ITGA3: variants seen among roughly 807,000 people sequenced by gnomAD.
ITGA3 encodes the protein integrin alpha-3.
In ITGA3, 70 loss-of-function variants were observed where a neutral mutation model predicts 131.1. The ratio of observed to expected loss-of-function variants is 0.53; its 90% CI spans 0.44 to 0.65. The LOEUF (loss-of-function observed/expected upper bound fraction) is 0.65. ITGA3 is among the 30% of genes least tolerant of loss of function. The probability of loss-of-function intolerance (pLI) is 0.00; values close to 1 mark genes in which losing one functional copy is unlikely to be tolerated. For missense variants in ITGA3, 1,098 were observed against 1,388.6 expected, an observed-to-expected ratio of 0.79 and a Z score of 3.33; for synonymous variants, 537 against 571.6, an observed-to-expected ratio of 0.94 and a Z score of 0.86.
At chr17:50,080,463 GGTGTGTGTGTGTGTGT>G (rs113441627) in intron 22 of ITGA3, 88 bp downstream of exon 22, 98 of 506,296 alleles carry the variant, frequency 1.9e-4, no homozygotes, top group African/African-American at 1.7e-3. Flanking sequence ...TCATAGCATG[GGTGTGTGTGTGTGTGT>G]GTGTGTGTGT....
intron 1 of ITGA3, among the ~76,000 whole-genome samples, chr17:50,060,767 C>T (rs765556591): frequency 6.6e-6 from 1 of 152,184 alleles, no homozygotes; most frequent in Non-Finnish European, 1.5e-5. Context: ...CCTCCACCTA[C>T]TCTCCCTCCT....
chr17:50,085,431 G>A (rs1360738115), intron 23 of ITGA3, among the ~76,000 whole-genome samples: 2 of 151,810 alleles, frequency 1.3e-5, no homozygotes, highest in African/African-American at 4.8e-5. Flanking sequence ...TTGGGACGTC[G>A]AGGCAGGTGG....
At position 50,072,182 on chromosome 17, in the gene ITGA3, G is replaced by C; in HGVS notation, c.1156G>C (p.Asp386His). The C allele has an allele frequency of 6.2e-7, 1 of 1,612,100 alleles. No individual in the cohort carries two copies. Among genetic ancestry groups the C allele is most frequent in the African/African-American group, 1.3e-5 (1 of 74,924 alleles). The change falls in exon 7 of 26, where the codon GAT becomes CAT. Residue 386 changes from aspartate (D) to histidine (H), a missense_variant and splice_region_variant. Asp to His is a moderately conservative substitution (Grantham distance 81). Coordinates refer to ENST00000320031, the MANE Select transcript of ITGA3 (RefSeq NM_002204.4). ...TGACATCAACCAGGATGGATTTCAG[G>C]GTATGAGCCAGCACTCCTCCCCCAG... ...IGDINQDGFQDIAVGAPFEGL... is the reference protein window; with the variant it reads ...IGDINQDGFQHIAVGAPFEGL...
intron 11 of ITGA3, 29 bp from the exon 12 acceptor site, chr17:50,075,570 C>G (rs201641301): frequency 6.2e-7 from 1 of 1,614,214 alleles, no homozygotes. Flanking sequence ...CTCCCCTGTC[C>G]CCTTGCTGAC....
intron 8 of ITGA3, 54 bp from the exon 9 acceptor site, chr17:50,074,089 GC>G: frequency 1.9e-6 from 3 of 1,554,294 alleles, no homozygotes; most frequent in Non-Finnish European, 2.7e-6. Context: ...CTTCCCTGTA[GC>G]CCCCTGGGCC....
Position 50,070,844 on chromosome 17 carries a change from G to A in ITGA3, c.665G>A (p.Gly222Glu). The A allele has an allele frequency of 6.2e-7, 1 of 1,608,152 alleles. No homozygotes were observed. The highest frequency in any genetic ancestry group is 8.5e-7 in the Non-Finnish European group (1 of 1,174,866). The change falls in exon 5 of 26, where the codon GGA (glycine) becomes GAA (glutamate). Residue 222 changes from glycine (G) to glutamate (E), a missense_variant and splice_region_variant. Physicochemically the swap from Gly to Glu is moderately conservative, Grantham distance 98. This residue lies in a region of ITGA3 where 356 missense variants were observed against 529.2 expected (regional missense o/e 0.67). Transcript: ENST00000320031. ...FGAPGAYNWK[G>E]NSYMIQRKEW... ...TCTCCCTCCCTCAATCCCTGTGAAG[G>A]AAACAGCTACATGATTCAGCGCAAG... is the stretch of plus-strand genomic sequence containing the variant.
chr17:50,063,838 C>T (rs1908201364), intron 1 of ITGA3: 3 of 545,326 alleles, frequency 5.5e-6, no homozygotes, highest in Non-Finnish European at 9.8e-6. Flanking sequence ...TGGCCTCCAT[C>T]ACTGCCCCCT....
rs778087481 is a variant in ITGA3 at position 50,080,253 on chromosome 17, C to A, written c.2707-9C>A. On this transcript the variant is annotated splice_polypyrimidine_tract_variant and intron_variant, in intron 21 of 25. Transcript: ENST00000320031. The stretch of plus-strand genomic sequence containing the variant: ...CTATGTCACGTCTTGCGTTCCCTGC[C>A]CGCCTCAGACCTGTGCCACAGGGCG... The A allele has an allele frequency of 6.4e-7, 1 of 1,552,808 alleles. No homozygotes were observed.
At chr17:50,057,835 C>T (rs1028036484) in intron 1 of ITGA3, among the ~76,000 whole-genome samples, 12 of 152,198 alleles carry the variant, frequency 7.9e-5, no homozygotes, top group African/African-American at 2.9e-4. Flanking sequence ...AACTCTGCCC[C>T]CGCCTTGGTT....
chr17:50,081,849 C>T (rs1168938295), intron 23 of ITGA3, among the ~76,000 whole-genome samples: 1 of 152,096 alleles, frequency 6.6e-6, no homozygotes, highest in Non-Finnish European at 1.5e-5. Context: ...CCACTATGGA[C>T]CTGTGAGCTT....
chr17:50,085,870 AT>A (rs1909375133), intron 23 of ITGA3, among the ~76,000 whole-genome samples: 49 of 108,682 alleles, frequency 4.5e-4, no homozygotes, highest in Admixed American at 8.3e-4. Context: ...TAGATTATAC[AT>A]TATAGATTTA....
In ITGA3 at chr17:50,073,993, C is replaced by T. The variant is rs1908758085; in HGVS notation, c.1234C>T (p.Gln412Ter). 1 of 1,611,670 alleles carries T rather than the reference C, an allele frequency of 6.2e-7. No homozygotes were observed. Residue 412 changes from glutamine (Q) to a stop codon, truncating the protein, a stop_gained, in exon 8 of 26, where the codon CAG becomes TAG. Transcript: ENST00000320031. LOFTEE classifies it high-confidence loss of function. ...YHSSSKGLLR[Q>*]PQQVIHGEKL... is the part of the protein sequence containing the mutation. ...CAGTAGCTCTAAGGGGCTCCTTAGA[C>T]AGCCCCAGCAGGTACAGAGAGACGG... is the stretch of plus-strand genomic sequence containing the variant.
At position 50,089,507 on chromosome 17, in the gene ITGA3, G is replaced by A. The variant is rs114760470; in HGVS notation, c.*429G>A. 3,384 of 542,996 alleles carry A rather than the reference G, an allele frequency of 6.2e-3. 97 individuals carry two copies. Among genetic ancestry groups the A allele is most frequent in the African/African-American group, 0.059 (3,132 of 52,952 alleles). 33.6% of individuals were successfully genotyped at this position (542,996 alleles called of 1,614,324 possible). On this transcript the variant is annotated 3_prime_UTR_variant, in exon 26 of 26. Transcript: ENST00000320031. ...GCATTCCTGTGCCCTAGATGCACGTGGGGCCCACTGCTCGTGGACTGTGCT... is the reference window on the plus strand; with the variant it reads ...GCATTCCTGTGCCCTAGATGCACGTAGGGCCCACTGCTCGTGGACTGTGCT...
intron 23 of ITGA3, among the ~76,000 whole-genome samples, chr17:50,082,207 G>A (rs893120034): frequency 1.3e-5 from 2 of 151,566 alleles, no homozygotes; most frequent in African/African-American, 2.4e-5. Context: ...TATTTTTTGA[G>A]ATGGAGCCTC....
chr17:50,060,278 G>A (rs1208472493), intron 1 of ITGA3, among the ~76,000 whole-genome samples: 1 of 152,174 alleles, frequency 6.6e-6, no homozygotes, highest in Non-Finnish European at 1.5e-5. Context: ...TCCTCCCATG[G>A]AGCCACCAAG....
rs377085486 is a variant in ITGA3, at chr17:50,075,057, C to T, written c.1470-402C>T. 1.4e-4 allele frequency among the ~76,000 whole-genome samples: 21 copies of T among 152,156 alleles called. No homozygotes were observed. The South Asian group carries it at 1.5e-3, about 11-fold the overall frequency. ...AAGTGACAGTAATGATGGCGATGAC[C>T]CCAAGGTCTTTAAGTGAATGAGGAT... On this transcript the variant is annotated intron_variant, in intron 10 of 25. Transcript: ENST00000320031.
At chr17:50,079,039 C>T (rs1363755392) in intron 19 of ITGA3, 37 bp from the exon 20 acceptor site, 2 of 1,596,598 alleles carry the variant, frequency 1.3e-6, no homozygotes, top group African/African-American at 1.3e-5. Context: ...GGTGGTTTTC[C>T]AGGAGATAAT....
Position 50,078,112 on chromosome 17 carries a change from C to G in ITGA3, c.2206C>G (p.Leu736Val), listed in dbSNP as rs766591984. 6.2e-7 allele frequency: 1 copy of G among 1,613,808 alleles called. No homozygotes were observed. Among genetic ancestry groups the G allele is most frequent in the East Asian group, 2.2e-5 (1 of 44,866 alleles). The change falls in exon 17 of 26, where the codon CTG (leucine) becomes GTG (valine). Residue 736 changes from leucine to valine, a missense_variant. This residue lies in a region of ITGA3 where 699 missense variants were observed against 829.2 expected (regional missense o/e 0.84). Coordinates refer to ENST00000320031, the MANE Select transcript of ITGA3 (RefSeq NM_002204.4). ...TLHTRDLQVQ[L>V]QLSTSSHQDN... is the part of the protein sequence containing the mutation. ...GCACACAAGGGACCTTCAGGTGCAG[C>G]TGCAGCTCTCCACGTGAGTGACCTC...
At chr17:50,068,374 GA>G in intron 4 of ITGA3, 69 bp downstream of exon 4, 1 of 1,561,674 alleles carries the variant, frequency 6.4e-7, no homozygotes, top group Non-Finnish European at 8.7e-7. Flanking sequence ...TAGCCACGGG[GA>G]CAGCTGGCCT....
Sources: gnomAD v4.1 joint callset for allele counts (sites outside exome capture counted in the v4.1 genomes callset) on GRCh38, gnomAD v4.1.1 for gene constraint, gnomAD v4.1.1 regional missense constraint, MANE v1.5 for transcripts, NCBI Gene and HGNC (gene_info 2026-07-23, HGNC 2026-07-21) for gene names.